Variants in KIF16B observed in about 807,000 individuals in gnomAD.
KIF16B encodes the protein kinesin family member 16B, also known as kinesin-like protein KIF16B.
KIF16B carries 98 observed loss-of-function variants against 156.3 expected under a neutral mutation model. The ratio of observed to expected loss-of-function variants is 0.63; its 90% CI spans 0.53 to 0.74. The LOEUF (loss-of-function observed/expected upper bound fraction) is 0.74. KIF16B is among the 30% of genes least tolerant of loss of function. The pLI is 0.00. For synonymous variants in KIF16B, 564 were observed against 583.7 expected (o/e 0.97, Z 0.49); for missense variants, 1,421 against 1,606.5 (o/e 0.88, Z 1.97).
At chr20:16,324,610 T>C (rs1268935513) in intron 24 of KIF16B, among the ~76,000 whole-genome samples, 1 of 152,062 alleles carries the variant, frequency 6.6e-6, no homozygotes, top group African/African-American at 2.4e-5. Context: ...TAGGTTTGAA[T>C]GAGTCTGTCA....
chr20:16,322,501 C>A (rs1343733286), intron 24 of KIF16B, among the ~76,000 whole-genome samples: 1 of 151,884 alleles, frequency 6.6e-6, no homozygotes, highest in African/African-American at 2.4e-5. Context: ...ATTATGAAAG[C>A]GTTGAGTATC....
At chr20:16,429,261 A>G (rs2066437051) in intron 13 of KIF16B, among the ~76,000 whole-genome samples, 1 of 152,192 alleles carries the variant, frequency 6.6e-6, no homozygotes. Context: ...AATATCACTG[A>G]TGTTCCTGAT....
rs538623681 is a variant in KIF16B at position 16,405,962 on chromosome 20, C to A, written c.1695+412G>T. Among the ~76,000 whole-genome samples the A allele has an allele frequency of 3.3e-5, 5 of 152,252 alleles. No homozygotes were observed. In the South Asian group the frequency reaches 6.2e-4, roughly 19 times the overall value. The stretch of plus-strand genomic sequence containing the variant: ...GTCTTTCCCAGTTGTCCTAAACCCA[C>A]CCCTGCTCTCGCTTCCCACCTCAAT... On this transcript the variant is annotated intron_variant, in intron 16 of 25. Transcript: ENST00000354981.
At position 16,379,884 on chromosome 20, in the gene KIF16B, T is replaced by A. The variant is rs1191680108; in HGVS notation, c.2118A>T (p.Gln706His). The change falls in exon 19 of 26, where the codon CAA becomes CAT. Residue 706 changes from glutamine to histidine, a missense_variant. By Grantham distance (24) the Gln-to-His change is conservative (BLOSUM62 0). Transcript: ENST00000354981. ...RQEEETFLRVQEELQRLKELN... is the reference protein window; with the variant it reads ...RQEEETFLRVHEELQRLKELN... ...GTTCTTTGAGTCGTTGGAGTTCTTC[T>A]TGGACGCGGAGAAAGGTCTCTTCTT... is the stretch of plus-strand genomic sequence containing the variant. The A allele has an allele frequency of 6.2e-7, 1 of 1,614,246 alleles. No homozygotes were observed. The highest frequency in any genetic ancestry group is 1.7e-5 in the Admixed American group (1 of 60,030).
intron 3 of KIF16B, among the ~76,000 whole-genome samples, chr20:16,520,071 G>A (rs2069284792): frequency 6.6e-6 from 1 of 151,828 alleles, no homozygotes; most frequent in African/African-American, 2.4e-5. Context: ...AGGGTCCTGG[G>A]TTTCAAGCAC....
In KIF16B at chr20:16,511,543, A is replaced by G. The variant is rs756288220; in HGVS notation, c.447-16T>C. The G allele has an allele frequency of 1.3e-6, 2 of 1,497,574 alleles. No individual in the cohort carries two copies. The highest frequency in any genetic ancestry group is 4.5e-5 in the East Asian group (2 of 44,156). The allele number at this position is 1,497,574 out of a possible 1,614,324, so 92.8% of individuals were successfully genotyped here. ...TTCTAAGTAGCTAAAAATTTAAAATAAAATTGAATTCAGAAAAATGATTTC... is the reference window on the plus strand; with the variant it reads ...TTCTAAGTAGCTAAAAATTTAAAATGAAATTGAATTCAGAAAAATGATTTC... On this transcript the variant is annotated splice_polypyrimidine_tract_variant and intron_variant, in intron 5 of 25. Transcript: ENST00000354981.
intron 25 of KIF16B, among the ~76,000 whole-genome samples, chr20:16,281,317 A>G (rs948309897): frequency 1.3e-5 from 2 of 152,150 alleles, no homozygotes; most frequent in African/African-American, 2.4e-5. Flanking sequence ...GCTTAAAGAC[A>G]AGTATCAGTC....
intron 25 of KIF16B, among the ~76,000 whole-genome samples, chr20:16,289,906 T>C (rs1395017315): frequency 5.3e-5 from 8 of 152,044 alleles, no homozygotes; most frequent in African/African-American, 1.2e-4. Flanking sequence ...AAATGGAAAA[T>C]CACATTTAAA....
intron 25 of KIF16B, among the ~76,000 whole-genome samples, chr20:16,298,443 G>A (rs1213726542): frequency 6.6e-6 from 1 of 152,206 alleles, no homozygotes; most frequent in Non-Finnish European, 1.5e-5. Flanking sequence ...CTTAGACTTG[G>A]AAGGATGTAT....
intron 24 of KIF16B, among the ~76,000 whole-genome samples, chr20:16,329,421 A>C (rs749790481): frequency 5.3e-5 from 8 of 152,240 alleles, no homozygotes; most frequent in Non-Finnish European, 1.2e-4. Flanking sequence ...TAAAAGCCTT[A>C]CACTGATTTT....
intron 20 of KIF16B, among the ~76,000 whole-genome samples, chr20:16,373,110 A>T (rs2064863313): frequency 6.6e-6 from 1 of 152,210 alleles, no homozygotes; most frequent in Non-Finnish European, 1.5e-5. Context: ...TTTCTATACT[A>T]CTGACCACAG....
chr20:16,465,633 G>A (rs184876804), intron 12 of KIF16B, among the ~76,000 whole-genome samples: 1 of 151,758 alleles, frequency 6.6e-6, no homozygotes, highest in Non-Finnish European at 1.5e-5. Flanking sequence ...ATCACTTGTA[G>A]GTCTTCCAAC....
At chr20:16,289,692 T>C (rs1476159967) in intron 25 of KIF16B, among the ~76,000 whole-genome samples, 2 of 151,712 alleles carry the variant, frequency 1.3e-5, no homozygotes, top group East Asian at 3.9e-4. Flanking sequence ...ATACAAAAAA[T>C]TAGCCGGGCG....
intron 12 of KIF16B, among the ~76,000 whole-genome samples, chr20:16,489,641 G>A (rs1232895591): frequency 2.6e-5 from 4 of 151,628 alleles, no homozygotes; most frequent in Non-Finnish European, 4.4e-5. Flanking sequence ...AGACTGCAGT[G>A]AGCCAAGATC....
intron 15 of KIF16B, among the ~76,000 whole-genome samples, chr20:16,418,340 C>G (rs2066142041): frequency 6.6e-6 from 1 of 152,096 alleles, no homozygotes; most frequent in Admixed American, 6.5e-5. Flanking sequence ...TGAACAGACC[C>G]CCTCTTGGCC....
At chr20:16,422,937 A>C (rs1254401356) in intron 15 of KIF16B, among the ~76,000 whole-genome samples, 17 of 152,180 alleles carry the variant, frequency 1.1e-4, no homozygotes. Context: ...CATAGTAAAA[A>C]GACACTCCAA....
At chr20:16,435,790 G>T (rs537111401) in intron 12 of KIF16B, among the ~76,000 whole-genome samples, 1 of 152,052 alleles carries the variant, frequency 6.6e-6, no homozygotes, top group African/African-American at 2.4e-5. Context: ...TTTCAGTGGG[G>T]TCTATTCTTT....
chr20:16,477,376 G>A (rs1041346712), intron 12 of KIF16B, among the ~76,000 whole-genome samples: 3 of 152,142 alleles, frequency 2.0e-5, no homozygotes, highest in Admixed American at 1.3e-4. Flanking sequence ...GAGGAGAACA[G>A]TGTTAAGACA....
chr20:16,391,066 C>T (rs541682332), intron 17 of KIF16B, among the ~76,000 whole-genome samples: 6 of 152,084 alleles, frequency 3.9e-5, no homozygotes, highest in African/African-American at 9.6e-5. Flanking sequence ...CCTTGAAAAA[C>T]GGATAGAATT....
Sources: allele counts gnomAD v4.1 joint callset (sites outside exome capture counted in the v4.1 genomes callset), GRCh38; gene constraint gnomAD v4.1.1; transcripts MANE v1.5; gene names NCBI Gene and HGNC (gene_info 2026-07-23, HGNC 2026-07-21).